CCDC6: variants seen among roughly 807,000 people sequenced by gnomAD.
CCDC6 encodes the protein coiled-coil domain containing 6.
A neutral mutation model predicts 56.6 loss-of-function variants in CCDC6; 20 were observed. The observed-to-expected ratio is 0.35, with a 90% confidence interval of 0.25 to 0.51. The LOEUF is 0.51. Ranked by LOEUF, CCDC6 falls within the 20% of genes least tolerant of loss-of-function variation. CCDC6 has a pLI of 0.95. For missense variants in CCDC6, 367 were observed against 601.1 expected, an observed-to-expected ratio of 0.61 and a Z score of 4.07; for synonymous variants, 241 against 234.4, an observed-to-expected ratio of 1.03 and a Z score of -0.26.
intron 7 of CCDC6, among the ~76,000 whole-genome samples, chr10:59,803,578 T>G (rs1338965343): frequency 6.6e-6 from 1 of 152,180 alleles, no homozygotes; most frequent in Non-Finnish European, 1.5e-5. Context: ...CCATCACCTT[T>G]TCTTTCCTCC....
chr10:59,826,668 T>C (rs1046147854), intron 3 of CCDC6, among the ~76,000 whole-genome samples: 2 of 152,164 alleles, frequency 1.3e-5, no homozygotes, highest in African/African-American at 4.8e-5. Context: ...TACAAGGGCA[T>C]CAACAGCAGC....
chr10:59,862,514 T>TACACACAC (rs1349936378), intron 1 of CCDC6, among the ~76,000 whole-genome samples: 13 of 73,056 alleles, frequency 1.8e-4, no homozygotes, highest in African/African-American at 7.3e-4. Context: ...TATATATATA[T>TACACACAC]ATACACACAC....
chr10:59,809,845 T>C (rs2070658828), intron 5 of CCDC6, among the ~76,000 whole-genome samples: 1 of 152,182 alleles, frequency 6.6e-6, no homozygotes, highest in South Asian at 2.1e-4. Context: ...AAAGTCTCAG[T>C]TTCCAAGAAC....
chr10:59,855,643 G>A (rs2071075780), intron 1 of CCDC6, among the ~76,000 whole-genome samples: 2 of 152,170 alleles, frequency 1.3e-5, no homozygotes, highest in Admixed American at 6.5e-5. Context: ...TGGCTACACG[G>A]ATTCTTTTTG....
chr10:59,791,904 C>A lies in CCDC6; in HGVS notation c.*1013G>T, dbSNP rs915096387. On this transcript the variant is annotated 3_prime_UTR_variant, in exon 9 of 9. Transcript: ENST00000263102. ...GCTACTTTCCTTTAGACCTTATTTT[C>A]TTTTCTGCCAAGCAATACAATATTT... 6 of 220,372 alleles carry A rather than the reference C, an allele frequency of 2.7e-5. No homozygotes were observed. The highest frequency in any genetic ancestry group is 1.3e-4 in the African/African-American group (6 of 44,602). 13.7% of individuals were successfully genotyped at this position (220,372 alleles called of 1,614,324 possible). A position where few individuals can be genotyped will look rare whatever the true frequency, so the allele number is the denominator to read the frequency against.
chr10:59,804,520 C>T lies in CCDC6; in HGVS notation c.1005G>A (p.Arg335=), dbSNP rs1227492096. The T allele has an allele frequency of 6.3e-7, 1 of 1,579,120 alleles. No homozygotes were observed. Among genetic ancestry groups the T allele is most frequent in the South Asian group, 1.1e-5 (1 of 90,400 alleles). Residue 335 remains arginine (R), a splice_region_variant and synonymous_variant, in exon 7 of 9, where the codon AGG becomes AGA. Transcript: ENST00000263102. ...CTTGTGCAGACATCTCATTAAAATA[C>T]CTAAGAGGAGAGAGGAGGAAACGAT... is the stretch of plus-strand genomic sequence containing the variant. ...SESSLEMDDE[R]YFNEMSAQGL... is the part of the protein sequence containing the mutation.
chr10:59,878,824 A>G (rs1352493698), intron 1 of CCDC6, among the ~76,000 whole-genome samples: 1 of 152,168 alleles, frequency 6.6e-6, no homozygotes, highest in Non-Finnish European at 1.5e-5. Flanking sequence ...TTGGATGAAG[A>G]GCCCCCTTTC....
chr10:59,904,141 CA>C (rs2071524658), intron 1 of CCDC6, among the ~76,000 whole-genome samples: 1 of 152,058 alleles, frequency 6.6e-6, no homozygotes, highest in Admixed American at 6.6e-5. Flanking sequence ...TAACTTTACT[CA>C]TTAACACCAC....
intron 3 of CCDC6, among the ~76,000 whole-genome samples, chr10:59,825,302 T>C (rs2070779130): frequency 1.3e-5 from 2 of 152,226 alleles, no homozygotes; most frequent in South Asian, 4.1e-4. Flanking sequence ...TCTGATGGCT[T>C]TATCAGGGGT....
At position 59,895,904 on chromosome 10, in the gene CCDC6, C is replaced by G. The variant is rs557796608; in HGVS notation, c.303+10218G>C. Among the ~76,000 whole-genome samples the G allele has an allele frequency of 2.1e-4, 32 of 152,302 alleles. 1 individual carries two copies. In the South Asian group the frequency reaches 6.4e-3, roughly 31 times the overall value. On this transcript the variant is annotated intron_variant, in intron 1 of 8. Coordinates refer to ENST00000263102, the MANE Select transcript of CCDC6 (RefSeq NM_005436.5). ...CAGGGCCTGGAAACTGAGATCTGCC[C>G]TGTGGATAGGCGACCATGTCTATGT...
In CCDC6 at chr10:59,789,828, G is replaced by A. The variant is rs1453113267; in HGVS notation, c.*3089C>T. ...AAAGTTCATGTCTACCTAACAAAGGGTGATACATGTTCTATTTTCCTACAA... is the reference window on the plus strand; with the variant it reads ...AAAGTTCATGTCTACCTAACAAAGGATGATACATGTTCTATTTTCCTACAA... On this transcript the variant is annotated 3_prime_UTR_variant, in exon 9 of 9. Coordinates refer to ENST00000263102, the MANE Select transcript of CCDC6 (RefSeq NM_005436.5). 1 of 218,780 alleles carries A rather than the reference G, an allele frequency of 4.6e-6. No homozygotes were observed. The highest frequency in any genetic ancestry group is 9.2e-6 in the Non-Finnish European group (1 of 108,782). 13.6% of individuals were successfully genotyped at this position (218,780 alleles called of 1,614,324 possible).
At chr10:59,872,127 A>G (rs1391301241) in intron 1 of CCDC6, among the ~76,000 whole-genome samples, 1 of 152,224 alleles carries the variant, frequency 6.6e-6, no homozygotes, top group Non-Finnish European at 1.5e-5. Context: ...GATTTTAACT[A>G]TCTCTATGAT....
chr10:59,894,185 G>A (rs2071444633), intron 1 of CCDC6, among the ~76,000 whole-genome samples: 1 of 152,216 alleles, frequency 6.6e-6, no homozygotes, highest in Admixed American at 6.5e-5. Flanking sequence ...AGTAGCCAGA[G>A]TGGATTTCCA....
chr10:59,874,118 A>AACACACACACACACACACAC (rs55812153), intron 1 of CCDC6, among the ~76,000 whole-genome samples: 9 of 148,576 alleles, frequency 6.1e-5, no homozygotes, highest in African/African-American at 1.5e-4. Flanking sequence ...TTACCTAGCA[A>AACACACACACACACACACAC]ACACACACAC....
chr10:59,834,282 C>T (rs1399437398), intron 2 of CCDC6, among the ~76,000 whole-genome samples: 2 of 152,068 alleles, frequency 1.3e-5, no homozygotes, highest in Non-Finnish European at 2.9e-5. Flanking sequence ...CCTGTAATCC[C>T]AGCACTTTGG....
chr10:59,814,613 CA>C (rs779303909), intron 4 of CCDC6, 38 bp downstream of exon 4: 1 of 1,245,834 alleles, frequency 8.0e-7, no homozygotes, highest in Non-Finnish European at 1.2e-6. Flanking sequence ...CACACACACA[CA>C]CACACACACC....
intron 1 of CCDC6, among the ~76,000 whole-genome samples, chr10:59,885,704 A>T (rs2071377682): frequency 6.6e-6 from 1 of 151,916 alleles, no homozygotes; most frequent in African/African-American, 2.4e-5. Context: ...GGCCCAGAAC[A>T]TTTTTTTACC....
At chr10:59,811,589 A>G (rs1030924786) in intron 5 of CCDC6, among the ~76,000 whole-genome samples, 1 of 152,178 alleles carries the variant, frequency 6.6e-6, no homozygotes, top group Non-Finnish European at 1.5e-5. Flanking sequence ...AGTAAGCGAA[A>G]AGAGAAAGGT....
chr10:59,810,097 T>C (rs967296407), intron 5 of CCDC6, among the ~76,000 whole-genome samples: 5 of 152,188 alleles, frequency 3.3e-5, no homozygotes, highest in African/African-American at 1.2e-4. Flanking sequence ...GGCCAGGCGA[T>C]GCCAACGTTC....
Sources: allele counts gnomAD v4.1 joint callset (sites outside exome capture counted in the v4.1 genomes callset), GRCh38; gene constraint gnomAD v4.1.1; transcripts MANE v1.5; gene names NCBI Gene and HGNC (gene_info 2026-07-23, HGNC 2026-07-21).